Variants in CCDC178 observed in about 807,000 individuals in gnomAD.
The protein encoded by CCDC178 is coiled-coil domain-containing protein 178.
Under a neutral mutation model 117.4 loss-of-function variants are expected in CCDC178, and 126 were observed. The ratio of observed to expected loss-of-function variants is 1.07; its 90% confidence interval spans 0.93 to 1.24. The LOEUF (loss-of-function observed/expected upper bound fraction) is 1.24, where lower values mean the gene tolerates loss of function less well. Ranked by LOEUF, CCDC178 falls within the 50% of genes most tolerant of loss-of-function variation. The pLI is 0.00. For synonymous variants in CCDC178, 283 were observed against 313.4 expected (o/e 0.90, Z 1.02); for missense variants, 1,030 against 986.9 (o/e 1.04, Z -0.59).
chr18:32,985,683 C>G (rs1411739523), intron 21 of CCDC178, among the ~76,000 whole-genome samples: 1 of 151,894 alleles, frequency 6.6e-6, no homozygotes, highest in Non-Finnish European at 1.5e-5. Context: ...ATTGAAGATA[C>G]TCAAAGAATC....
At chr18:33,415,883 G>A (rs971043655) in intron 2 of CCDC178, among the ~76,000 whole-genome samples, 44 of 152,100 alleles carry the variant, frequency 2.9e-4, no homozygotes, top group Non-Finnish European at 5.9e-4. Flanking sequence ...TAGAGAAGAA[G>A]GCAGACTAGC....
intron 21 of CCDC178, among the ~76,000 whole-genome samples, chr18:33,052,257 G>C (rs2056759138): frequency 6.6e-6 from 1 of 152,100 alleles, no homozygotes; most frequent in African/African-American, 2.4e-5. Flanking sequence ...TTGACATTTT[G>C]CTTATTCTAT....
intron 20 of CCDC178, among the ~76,000 whole-genome samples, chr18:33,133,088 G>T (rs953126664): frequency 5.3e-5 from 8 of 151,810 alleles, no homozygotes; most frequent in African/African-American, 1.7e-4. Flanking sequence ...AACTCTAATG[G>T]GAGTTACATG....
intron 12 of CCDC178, among the ~76,000 whole-genome samples, chr18:33,271,063 T>C: frequency 6.6e-6 from 1 of 151,494 alleles, no homozygotes; most frequent in African/African-American, 2.4e-5. Context: ...TAAATTACAT[T>C]GTGAATTCCA....
intron 14 of CCDC178, among the ~76,000 whole-genome samples, chr18:33,264,403 T>G (rs1263307199): frequency 6.6e-6 from 1 of 152,084 alleles, no homozygotes; most frequent in Admixed American, 6.6e-5. Context: ...TAGACCTGAC[T>G]CTTGCCTGCA....
intron 20 of CCDC178, among the ~76,000 whole-genome samples, chr18:33,145,345 C>G (rs374723924): frequency 6.3e-4 from 96 of 152,162 alleles, no homozygotes; most frequent in African/African-American, 2.2e-3. Context: ...TGAATTTTTG[C>G]TATTTTCCAG....
chr18:33,439,285 G>A (rs767393638), intron 2 of CCDC178, among the ~76,000 whole-genome samples: 6 of 152,214 alleles, frequency 3.9e-5, no homozygotes, highest in South Asian at 2.1e-4. Context: ...AAAATTCTGA[G>A]GATGTGGTAA....
At chr18:33,242,701 CA>C (rs1431058919) in intron 15 of CCDC178, among the ~76,000 whole-genome samples, 1 of 151,654 alleles carries the variant, frequency 6.6e-6, no homozygotes, top group African/African-American at 2.4e-5. Context: ...ATCAAAACCA[CA>C]ACTGTATCAT....
chr18:33,214,437 T>C (rs999136825), intron 19 of CCDC178, among the ~76,000 whole-genome samples: 1 of 151,990 alleles, frequency 6.6e-6, no homozygotes, highest in Non-Finnish European at 1.5e-5. Flanking sequence ...GAAACCACTC[T>C]TGTCTGAAAG....
intron 20 of CCDC178, among the ~76,000 whole-genome samples, chr18:33,210,563 G>A (rs1453343214): frequency 6.6e-6 from 1 of 152,054 alleles, no homozygotes; most frequent in East Asian, 1.9e-4. Context: ...CAGCACCACT[G>A]TGACTAGAAA....
intron 21 of CCDC178, among the ~76,000 whole-genome samples, chr18:33,032,793 G>T (rs1372674327): frequency 6.6e-6 from 1 of 152,004 alleles, no homozygotes; most frequent in Non-Finnish European, 1.5e-5. Context: ...CAAATGCAAA[G>T]GTTGGCTACA....
intron 21 of CCDC178, among the ~76,000 whole-genome samples, chr18:33,014,991 C>T (rs2144809854): frequency 6.6e-6 from 1 of 152,214 alleles, no homozygotes; most frequent in Non-Finnish European, 1.5e-5. Context: ...TGTGGTGGCT[C>T]ACACCTGTAA....
At chr18:33,101,037 C>T (rs2057618844) in intron 20 of CCDC178, among the ~76,000 whole-genome samples, 1 of 151,774 alleles carries the variant, frequency 6.6e-6, no homozygotes, top group African/African-American at 2.4e-5. Context: ...ATCCGTGGCA[C>T]AATTTTTGTC....
intron 7 of CCDC178, among the ~76,000 whole-genome samples, chr18:33,355,496 CA>C (rs774992709): frequency 6.6e-6 from 1 of 152,242 alleles, no homozygotes; most frequent in Non-Finnish European, 1.5e-5. Context: ...ACTCTGTCTT[CA>C]ATTCCTGCCC....
At chr18:33,127,135 T>C (rs998714304) in intron 20 of CCDC178, among the ~76,000 whole-genome samples, 4 of 151,864 alleles carry the variant, frequency 2.6e-5, no homozygotes, top group African/African-American at 9.7e-5. Context: ...AAGTTTTTAT[T>C]TTTTAGATTT....
intron 6 of CCDC178, among the ~76,000 whole-genome samples, chr18:33,366,257 C>A (rs539744034): frequency 6.6e-6 from 1 of 152,062 alleles, no homozygotes; most frequent in Non-Finnish European, 1.5e-5. Context: ...TTGAGGCCAG[C>A]AGTTCAAGAC....
intron 14 of CCDC178, among the ~76,000 whole-genome samples, chr18:33,259,508 G>C (rs1394603046): frequency 6.6e-6 from 1 of 152,136 alleles, no homozygotes; most frequent in Non-Finnish European, 1.5e-5. Context: ...CAAAGGGGAG[G>C]CAAGCACATA....
intron 21 of CCDC178, among the ~76,000 whole-genome samples, chr18:32,991,516 G>A (rs545999486): frequency 6.6e-6 from 1 of 152,196 alleles, no homozygotes; most frequent in Non-Finnish European, 1.5e-5. Context: ...GTCAAGATAG[G>A]AGGAGGTGAT....
intron 6 of CCDC178, among the ~76,000 whole-genome samples, chr18:33,360,469 T>C (rs1479066954): frequency 6.6e-6 from 1 of 151,448 alleles, no homozygotes; most frequent in Non-Finnish European, 1.5e-5. Context: ...TCCCACATTA[T>C]GTCAAGTGAA....
Sources: allele counts gnomAD v4.1 joint callset (sites outside exome capture counted in the v4.1 genomes callset), GRCh38; gene constraint gnomAD v4.1.1; transcripts MANE v1.5; gene names NCBI Gene and HGNC (gene_info 2026-07-23, HGNC 2026-07-21).